The following ERCC6 variants were observed in gnomAD, a reference collection of about 807,000 sequenced individuals.
The protein encoded by ERCC6 is ERCC excision repair 6, chromatin remodeling factor, also known as DNA excision repair protein ERCC-6.
In ERCC6, 116 loss-of-function variants were observed where a neutral mutation model predicts 158.7. The observed-to-expected ratio is 0.73, with a 90% CI of 0.63 to 0.85. The LOEUF (loss-of-function observed/expected upper bound fraction) is 0.85, where lower values mean the gene tolerates loss of function less well. ERCC6 is among the 40% of genes least tolerant of loss of function. The pLI is 0.00. For synonymous variants in ERCC6, 678 were observed against 659.3 expected, an observed-to-expected ratio of 1.03 and a Z score of -0.43; for missense variants, 1,698 against 1,799.4, an observed-to-expected ratio of 0.94 and a Z score of 1.02.
At chr10:49,509,268 T>C (rs577456876) in intron 5 of ERCC6, among the ~76,000 whole-genome samples, 3 of 152,316 alleles carry the variant, frequency 2.0e-5, no homozygotes, top group East Asian at 1.9e-4. Context: ...TAAACTACTA[T>C]AGTATTATAT....
chr10:49,437,568 G>A, the ERCC6 span, among the ~76,000 whole-genome samples: 1 of 152,182 alleles, frequency 6.6e-6, no homozygotes, highest in Non-Finnish European at 1.5e-5. Flanking sequence ...AGTTATTGGG[G>A]TGTCCTTTCT....
At chr10:49,509,104 C>T (rs920887266) in intron 5 of ERCC6, among the ~76,000 whole-genome samples, 1 of 152,114 alleles carries the variant, frequency 6.6e-6, no homozygotes, top group Non-Finnish European at 1.5e-5. Flanking sequence ...AGCTCATGAA[C>T]CCTCAGCAAG....
chr10:49,442,587 T>A, the ERCC6 span, among the ~76,000 whole-genome samples: 1 of 152,140 alleles, frequency 6.6e-6, no homozygotes, highest in Admixed American at 6.5e-5. Context: ...AATACAGTAA[T>A]CTCCGTGGAA....
rs142580756 is a variant in ERCC6, at chr10:49,472,997, G to T, written c.2741C>A (p.Thr914Lys). The T allele has an allele frequency of 1.2e-6, 2 of 1,614,082 alleles. No homozygotes were observed. The highest frequency in any genetic ancestry group is 1.6e-4 in the Middle Eastern group (1 of 6,062). The change falls in exon 15 of 21, where the codon ACG (threonine) becomes AAG (lysine). Residue 914 changes from threonine to lysine, a missense_variant. Transcript: ENST00000355832. ...DTSIFVFLLT[T>K]RVGGLGVNLT... is the part of the protein sequence containing the mutation. ...GTTGACACCTAAGCCGCCCACCCGC[G>T]TGGTCAGAAGAAACACAAATATGGA...
intron 7 of ERCC6, among the ~76,000 whole-genome samples, chr10:49,498,245 T>C (rs1173641268): frequency 1.3e-5 from 2 of 152,234 alleles, no homozygotes; most frequent in Non-Finnish European, 2.9e-5. Context: ...CCCATTTCAA[T>C]GTTCATGGTC....
In ERCC6 at chr10:49,532,564, C is replaced by T. The variant is rs766891583; in HGVS notation, c.401G>A (p.Arg134Gln). 6.8e-6 allele frequency: 11 copies of T among 1,614,118 alleles called. No individual in the cohort carries two copies. The highest frequency in any genetic ancestry group is 6.7e-5 in the East Asian group (3 of 44,882). The change falls in exon 2 of 21, where the codon CGG becomes CAG. Residue 134 changes from arginine (R) to glutamine (Q), a missense_variant. Physicochemically the swap from Arg to Gln is conservative, Grantham distance 43. Transcript: ENST00000355832. ...SQLVDVEKEY[R>Q]SVLDDLTSCT... Reference sequence around the variant, plus strand: ...TCACGTGAGGTCATCCAGGACCGACCGATACTCCTTCTCCACGTCAACGAG... The same window carrying T: ...TCACGTGAGGTCATCCAGGACCGACTGATACTCCTTCTCCACGTCAACGAG...
Position 49,532,823 on chromosome 10 carries a change from G to C in ERCC6, c.142C>G (p.Arg48Gly). The part of the protein sequence containing the change: ...DGEVEEYLSF[R>G]SVGDGLSTSA... ...GTGGACAGCCCGTCACCCACAGAAC[G>C]AAAGGAGAGGTACTCCTCCACCTCC... The change falls in exon 2 of 21, where the codon CGT (arginine) becomes GGT (glycine). Residue 48 changes from arginine (R) to glycine (G), a missense_variant. Arg to Gly is a moderately radical substitution (Grantham distance 125). Transcript: ENST00000355832. The C allele has an allele frequency of 6.2e-6, 10 of 1,614,172 alleles. No homozygotes were observed. The highest frequency in any genetic ancestry group is 8.5e-6 in the Non-Finnish European group (10 of 1,180,018).
At chr10:49,466,681 T>C (rs554433640) in intron 18 of ERCC6, among the ~76,000 whole-genome samples, 1 of 152,352 alleles carries the variant, frequency 6.6e-6, no homozygotes, top group African/African-American at 2.4e-5. Context: ...ACTGTGTGTT[T>C]TCTAGAATTT....
Position 49,483,493 on chromosome 10 carries a change from A to G in ERCC6, c.1845T>C (p.Ala615=). ...HKKEKLIRDV[A]HCHGILITSY... Reference sequence around the variant, plus strand: ...ATGTGATCAAAATTCCATGACAATGAGCAACATCTCGAATTAGTTTCTCCT... The same window carrying G: ...ATGTGATCAAAATTCCATGACAATGGGCAACATCTCGAATTAGTTTCTCCT... The change falls in exon 9 of 21, where the codon GCT becomes GCC. Residue 615 remains alanine (A), a synonymous_variant. Coordinates refer to ENST00000355832, the MANE Select transcript of ERCC6 (RefSeq NM_000124.4). The G allele has an allele frequency of 6.2e-7, 1 of 1,614,158 alleles. No individual in the cohort carries two copies. The highest frequency in any genetic ancestry group is 8.5e-7 in the Non-Finnish European group (1 of 1,180,014).
chr10:49,533,042 T>C (rs923529075), intron 1 of ERCC6, 64 bp from the exon 2 acceptor site: 62 of 1,539,518 alleles, frequency 4.0e-5, no homozygotes, highest in Middle Eastern at 1.7e-4. Context: ...CTTAAATATT[T>C]TATAATTAGA....
intron 20 of ERCC6, 103 bp from the exon 21 acceptor site, chr10:49,459,337 G>C: frequency 7.8e-7 from 1 of 1,285,258 alleles, no homozygotes. Context: ...ACATGTGCCA[G>C]GGTGGTGAGG....
chr10:49,536,473 T>G (rs559826195), intron 1 of ERCC6, among the ~76,000 whole-genome samples: 1 of 152,164 alleles, frequency 6.6e-6, no homozygotes, highest in Non-Finnish European at 1.5e-5. Flanking sequence ...GGAGGATTCC[T>G]GATAGATCTA....
chr10:49,516,043 T>C (rs920664439), intron 5 of ERCC6: 3 of 1,614,168 alleles, frequency 1.9e-6, no homozygotes, highest in South Asian at 1.1e-5. Context: ...AGAAGTGCAA[T>C]ACTGGTGAAA....
intron 5 of ERCC6, chr10:49,516,699 A>G (rs1467111664): frequency 6.2e-7 from 1 of 1,614,188 alleles, no homozygotes; most frequent in South Asian, 1.1e-5. Flanking sequence ...GGGAGTTCTC[A>G]TTACGGTGAA....
intron 7 of ERCC6, among the ~76,000 whole-genome samples, chr10:49,497,942 G>A (rs1851293916): frequency 6.6e-6 from 1 of 152,090 alleles, no homozygotes; most frequent in South Asian, 2.1e-4. Flanking sequence ...AATAACATTA[G>A]GAATTACCAA....
rs779608430 is a variant in ERCC6, at chr10:49,470,732, T to G, written c.3228A>C (p.Lys1076Asn). Residue 1076 changes from lysine to asparagine, a missense_variant, in exon 18 of 21, where the codon AAA becomes AAC. Physicochemically the swap from Lys to Asn is moderately conservative, Grantham distance 94 (BLOSUM62 0). Transcript: ENST00000355832. The stretch of plus-strand genomic sequence containing the variant: ...AAGTTACTGCATTTACTTCAGCTCC[T>G]TTAGCCTCAGATTTCTCTTCAGATG... ...ATSSEEKSEAKGAEVNAVTSN... is the reference protein window; with the variant it reads ...ATSSEEKSEANGAEVNAVTSN... 3 of 1,614,050 alleles carry G rather than the reference T, an allele frequency of 1.9e-6. No individual in the cohort carries two copies. Among genetic ancestry groups the G allele is most frequent in the Non-Finnish European group, 2.5e-6 (3 of 1,180,032 alleles).
intron 10 of ERCC6, 132 bp from the exon 11 acceptor site, chr10:49,478,602 T>C: frequency 1.4e-6 from 1 of 724,746 alleles, no homozygotes; most frequent in East Asian, 2.5e-5. Flanking sequence ...CAGTGGGAAA[T>C]GATTGCAAAA....
At chr10:49,439,142 C>A in the ERCC6 span, among the ~76,000 whole-genome samples, 2 of 152,242 alleles carry the variant, frequency 1.3e-5, no homozygotes, top group Non-Finnish European at 2.9e-5. Context: ...AGTAGGGACT[C>A]TGCCTGGGGG....
At chr10:49,536,204 AG>A (rs1391559642) in intron 1 of ERCC6, among the ~76,000 whole-genome samples, 6 of 152,184 alleles carry the variant, frequency 3.9e-5, no homozygotes, top group African/African-American at 1.4e-4. Context: ...GGAGTGGATG[AG>A]GAAATGGAGG....
Sources: gnomAD v4.1 joint callset for allele counts (sites outside exome capture counted in the v4.1 genomes callset) on GRCh38, gnomAD v4.1.1 for gene constraint, MANE v1.5 for transcripts, NCBI Gene and HGNC (gene_info 2026-07-23, HGNC 2026-07-21) for gene names.